Variants in TRPM1 observed in about 807,000 individuals in gnomAD.
TRPM1 encodes the protein TRPM1-203 APA Isoform, Intron 10.
TRPM1 carries 113 observed loss-of-function variants against 149.4 expected under a neutral mutation model. That is an observed-to-expected ratio of 0.76 (90% CI 0.65 to 0.88). TRPM1 has a LOEUF of 0.88. Among genes scored for constraint, TRPM1 ranks in the 40% least tolerant of loss-of-function variants. The pLI, the probability that TRPM1 is intolerant of heterozygous loss-of-function variation, is 0.00. For synonymous variants in TRPM1, 741 were observed against 759.5 expected, an observed-to-expected ratio of 0.98 and a Z score of 0.40; for missense variants, 1,976 against 2,038.7, an observed-to-expected ratio of 0.97 and a Z score of 0.59.
intron 27 of TRPM1, among the ~76,000 whole-genome samples, chr15:31,003,703 A>T (rs1403197528): frequency 6.6e-6 from 1 of 152,264 alleles, no homozygotes; most frequent in Non-Finnish European, 1.5e-5. Context: ...AATTAAGTTC[A>T]GATTATCAGA....
chr15:31,121,011 G>A (rs999628478), intron 1 of TRPM1, among the ~76,000 whole-genome samples: 15 of 151,948 alleles, frequency 9.9e-5, no homozygotes, highest in South Asian at 4.1e-4. Context: ...GGCAGATCAC[G>A]AGGTCAGAAG....
At chr15:31,069,301 A>G in intron 4 of TRPM1, 1 of 541,056 alleles carries the variant, frequency 1.8e-6, no homozygotes, top group Non-Finnish European at 2.4e-6. Context: ...GAGGCTAATA[A>G]TGCTCAGATG....
intron 1 of TRPM1, among the ~76,000 whole-genome samples, chr15:31,084,676 C>CTT (rs59470983): frequency 1.4e-4 from 18 of 128,486 alleles, no homozygotes; most frequent in Non-Finnish European, 2.6e-4. Flanking sequence ...TTTTTCTTTT[C>CTT]TTTTTTTTTT....
At chr15:31,070,325 A>G (rs888993999) in intron 3 of TRPM1, 99 bp from the exon 4 acceptor site, 2 of 1,137,020 alleles carry the variant, frequency 1.8e-6, no homozygotes, top group African/African-American at 3.0e-5. Flanking sequence ...TTGGGCCCAA[A>G]CAGGAGCCTA....
chr15:31,147,278 C>A lies in TRPM1; in HGVS notation c.54+13628G>T, dbSNP rs181184530. On this transcript the variant is annotated intron_variant, in intron 1 of 26. Coordinates refer to the TRPM1 transcript ENST00000542188. ...GCACACGTTTATCTTTATTAAAGCA[C>A]CTCAGTGGGCTTGCAGAGAAAAATA... 1.0e-3 allele frequency among the ~76,000 whole-genome samples: 159 copies of A among 152,316 alleles called. 6 individuals are homozygous for A. In the East Asian group the frequency reaches 0.025, roughly 24 times the overall value.
chr15:31,134,079 G>A (rs547954611), intron 1 of TRPM1, among the ~76,000 whole-genome samples: 9 of 152,306 alleles, frequency 5.9e-5, no homozygotes, highest in Middle Eastern at 3.4e-3. Flanking sequence ...GATGGAAGCC[G>A]CCGGAGGCCC....
At chr15:31,122,641 G>A (rs2035896253) in intron 1 of TRPM1, among the ~76,000 whole-genome samples, 1 of 152,172 alleles carries the variant, frequency 6.6e-6, no homozygotes, top group Admixed American at 6.5e-5. Context: ...AGATAAACAT[G>A]AGGAAAACTA....
Position 31,060,623 on chromosome 15 carries a change from T to A in TRPM1, c.1184A>T (p.Asp395Val). Residue 395 changes from aspartate (D) to valine (V), a missense_variant, in exon 11 of 28, where the codon GAT becomes GTT. Coordinates refer to ENST00000256552, the MANE Select transcript of TRPM1 (RefSeq NM_001252024.2). ...CCAAGCCAGTGCCAAGCTCAGCTGATCTGGAGCAGATACGTTTGTTCCTGG... is the reference window on the plus strand; with the variant it reads ...CCAAGCCAGTGCCAAGCTCAGCTGAACTGGAGCAGATACGTTTGTTCCTGG... ...LLKGTNVSAPDQLSLALAWNR... is the reference protein window; with the variant it reads ...LLKGTNVSAPVQLSLALAWNR... The A allele has an allele frequency of 6.2e-7, 1 of 1,614,230 alleles. No individual in the cohort carries two copies.
intron 1 of TRPM1, among the ~76,000 whole-genome samples, chr15:31,144,072 C>T (rs1333983346): frequency 6.6e-6 from 1 of 152,180 alleles, no homozygotes; most frequent in African/African-American, 2.4e-5. Flanking sequence ...GTGCAGGAAT[C>T]TCAATATATT....
In TRPM1 at chr15:31,101,643, G is replaced by A. The variant is rs1205416578; in HGVS notation, c.-84+14C>T. On this transcript the variant is annotated intron_variant, in intron 1 of 27. Coordinates refer to ENST00000256552, the MANE Select transcript of TRPM1 (RefSeq NM_001252024.2). Reference sequence around the variant, plus strand: ...GACCTCCCTTCACCTGTGCTTACCCGCATCTGAGCTTACCTGCCACAGCAG... The same window carrying A: ...GACCTCCCTTCACCTGTGCTTACCCACATCTGAGCTTACCTGCCACAGCAG... The A allele has an allele frequency of 1.0e-5, 10 of 985,530 alleles. No individual in the cohort carries two copies. The African/African-American group carries it at 1.0e-4, about 10-fold the overall frequency. 61.0% of individuals were successfully genotyped at this position (985,530 alleles called of 1,614,324 possible).
At position 31,088,618 on chromosome 15, in the gene TRPM1, A is replaced by G. The variant is rs150944765; in HGVS notation, c.-83-7180T>C. 4.5e-3 allele frequency among the ~76,000 whole-genome samples: 679 copies of G among 152,340 alleles called. 4 individuals carry two copies. The highest frequency in any genetic ancestry group is 0.031 in the Middle Eastern group (9 of 294). On this transcript the variant is annotated intron_variant, in intron 1 of 27. Coordinates refer to ENST00000256552, the MANE Select transcript of TRPM1 (RefSeq NM_001252024.2). ...ACCCACCGGAAGGAAGAAACGTAGG[A>G]AACATCTGAAGGAACAAACTGCGGA...
intron 1 of TRPM1, among the ~76,000 whole-genome samples, chr15:31,152,397 T>A (rs1310382269): frequency 2.0e-5 from 3 of 152,148 alleles, no homozygotes; most frequent in Admixed American, 2.0e-4. Flanking sequence ...TGGAAGATGC[T>A]CCTGTGGAAG....
intron 11 of TRPM1, 142 bp downstream of exon 11, chr15:31,060,402 T>C: frequency 2.7e-6 from 2 of 744,386 alleles, no homozygotes; most frequent in Non-Finnish European, 4.7e-6. Context: ...TGACATCTTC[T>C]AATGAGCCTA....
intron 2 of TRPM1, among the ~76,000 whole-genome samples, chr15:31,079,451 C>A (rs1051613793): frequency 6.6e-6 from 1 of 152,240 alleles, no homozygotes; most frequent in African/African-American, 2.4e-5. Context: ...CCCTTAACTC[C>A]TTGCCAGGGA....
rs1344723726 is a variant in TRPM1 at position 31,063,230 on chromosome 15, T to C, written c.853A>G (p.Ile285Val). The change falls in exon 8 of 28, where the codon ATC (isoleucine) becomes GTC (valine). Residue 285 changes from isoleucine to valine, a missense_variant. Around this residue, in one of 3 missense-constraint regions of TRPM1, gnomAD observed 1,332 missense variants for 1,347.1 expected, o/e 0.99. Coordinates refer to ENST00000256552, the MANE Select transcript of TRPM1 (RefSeq NM_001252024.2). ...VVEGGPNVVS[I>V]VLEYLQEEPP... ...TCTTCTTGCAGGTATTCCAAGACGATGGACACCACGTTAGGGCCCCCCTCC... is the reference window on the plus strand; with the variant it reads ...TCTTCTTGCAGGTATTCCAAGACGACGGACACCACGTTAGGGCCCCCCTCC... 1 of 1,614,154 alleles carries C rather than the reference T, an allele frequency of 6.2e-7. No homozygotes were observed. The highest frequency in any genetic ancestry group is 1.3e-5 in the African/African-American group (1 of 75,036).
intron 17 of TRPM1, among the ~76,000 whole-genome samples, chr15:31,041,342 G>A (rs1468537383): frequency 6.6e-6 from 1 of 152,078 alleles, no homozygotes; most frequent in Non-Finnish European, 1.5e-5. Flanking sequence ...AGTAGAGACG[G>A]GGTTTCACCA....
At chr15:31,116,602 G>GAAATAAATAAACAAAT (rs2035800318) in intron 1 of TRPM1, among the ~76,000 whole-genome samples, 1 of 143,614 alleles carries the variant, frequency 7.0e-6, no homozygotes, top group South Asian at 2.4e-4. Flanking sequence ...AACTCCATCT[G>GAAATAAATAAACAAAT]AAATAAATAA....
rs1332684905 is a variant in TRPM1, at chr15:31,003,044, T to G, written c.3656A>C (p.Glu1219Ala). The part of the protein sequence containing the change: ...ERVENMSMRL[E>A]EINERETFMK... Reference sequence around the variant, plus strand: ...AAAAGTTTCTCTTTCATTGATTTCTTCCAACCTCATTGACATATTTTCAAC... The same window carrying G: ...AAAAGTTTCTCTTTCATTGATTTCTGCCAACCTCATTGACATATTTTCAAC... Residue 1219 changes from glutamate to alanine, a missense_variant, in exon 28 of 28, where the codon GAA becomes GCA. Physicochemically the swap from Glu to Ala is moderately radical, Grantham distance 107. Transcript: ENST00000256552. The G allele has an allele frequency of 1.9e-6, 3 of 1,604,936 alleles. No individual in the cohort carries two copies. Among genetic ancestry groups the G allele is most frequent in the African/African-American group, 2.7e-5 (2 of 74,354 alleles).
intron 27 of TRPM1, 37 bp downstream of exon 27, chr15:31,026,102 T>C (rs199931444): frequency 1.4e-5 from 23 of 1,607,636 alleles, no homozygotes; most frequent in Non-Finnish European, 1.8e-5. Flanking sequence ...CAGCAAACCC[T>C]TGGCTCACGG....
Sources: allele counts gnomAD v4.1 joint callset (sites outside exome capture counted in the v4.1 genomes callset), GRCh38; gene constraint gnomAD v4.1.1; regional missense constraint gnomAD v4.1.1; transcripts MANE v1.5; gene names NCBI Gene and HGNC (gene_info 2026-07-23, HGNC 2026-07-21).